The following DLC1 variants were observed in gnomAD, a reference collection of about 807,000 sequenced individuals.
DLC1 encodes DLC1 Rho GTPase activating protein.
Under a neutral mutation model 140.3 loss-of-function variants are expected in DLC1, and 54 were observed. The observed-to-expected ratio is 0.38, with a 90% CI of 0.31 to 0.48. The LOEUF is 0.48. DLC1 is among the 20% of genes least tolerant of loss of function. DLC1 has a pLI of 0.96. For synonymous variants in DLC1, 986 were observed against 728.1 expected (o/e 1.35, Z -5.70); for missense variants, 2,536 against 1,907.0 (o/e 1.33, Z -6.14).
Position 13,195,802 on chromosome 8 carries a change from G to C in DLC1, c.1349-80145C>G, listed in dbSNP as rs117130049. Among the ~76,000 whole-genome samples, 893 of 152,198 alleles carry C rather than the reference G, an allele frequency of 5.9e-3. 7 individuals are homozygous for C. The highest frequency in any genetic ancestry group is 0.024 in the Middle Eastern group (7 of 294). ...GATGGCCATGTGGCAGGAACATCGT[G>C]GTTGACCTATAGCAGCACTATCCTT... On this transcript the variant is annotated intron_variant, in intron 5 of 17. Transcript: ENST00000276297.
chr8:13,134,548 A>C (rs1244383555), intron 5 of DLC1, among the ~76,000 whole-genome samples: 1 of 152,242 alleles, frequency 6.6e-6, no homozygotes, highest in Non-Finnish European at 1.5e-5. Context: ...AAATGGGGCA[A>C]ATACAAATAG....
At chr8:13,319,819 CTCTTTTTTTT>C (rs1357611988) in intron 4 of DLC1, among the ~76,000 whole-genome samples, 2 of 76,150 alleles carry the variant, frequency 2.6e-5, no homozygotes, top group Admixed American at 2.2e-4. Context: ...TTCTCTCTCT[CTCTTTTTTTT>C]TTTTTTTTTT....
intron 4 of DLC1, among the ~76,000 whole-genome samples, chr8:13,321,147 A>G (rs373362571): frequency 2.2e-4 from 34 of 152,250 alleles, no homozygotes; most frequent in Admixed American, 2.0e-4. Context: ...AAAATCTACT[A>G]CCAGGAAAGA....
chr8:13,436,913 C>G lies in DLC1; in HGVS notation c.1024-35294G>C, dbSNP rs1431223723. On this transcript the variant is annotated intron_variant, in intron 2 of 17. Transcript: ENST00000276297. ...AATGGAATTTTTCTTCTCTCTGGGA[C>G]TCCATCAATCTTATTTTTCGTTTCT... 2.6e-5 allele frequency among the ~76,000 whole-genome samples: 4 copies of G among 152,148 alleles called. No homozygotes were observed. In the East Asian group the frequency reaches 5.8e-4, roughly 22 times the overall value.
chr8:13,190,950 A>G (rs576634913), intron 5 of DLC1, among the ~76,000 whole-genome samples: 1 of 152,110 alleles, frequency 6.6e-6, no homozygotes, highest in African/African-American at 2.4e-5. Context: ...AATCTGGAAG[A>G]GGGATTAAAT....
At chr8:13,478,651 G>A (rs141914798) in intron 2 of DLC1, among the ~76,000 whole-genome samples, 8 of 152,190 alleles carry the variant, frequency 5.3e-5, no homozygotes, top group Admixed American at 2.6e-4. Flanking sequence ...GGCTATCACC[G>A]CTAGAACTGT....
intron 5 of DLC1, among the ~76,000 whole-genome samples, chr8:13,257,623 A>T (rs751298781): frequency 1.3e-5 from 2 of 152,106 alleles, no homozygotes; most frequent in Non-Finnish European, 2.9e-5. Flanking sequence ...TGTATTCAAC[A>T]TTAAAAATTA....
chr8:13,410,734 T>G (rs1837746020), intron 2 of DLC1, among the ~76,000 whole-genome samples: 1 of 152,128 alleles, frequency 6.6e-6, no homozygotes, highest in Non-Finnish European at 1.5e-5. Context: ...AGAGGAAAGT[T>G]CCAACATACT....
At chr8:13,304,780 A>G in intron 5 of DLC1, 6 of 954,812 alleles carry the variant, frequency 6.3e-6, no homozygotes, top group Non-Finnish European at 7.5e-6. Flanking sequence ...AATTATAATT[A>G]AAGCACAGAA....
Position 13,406,181 on chromosome 8 carries a change from G to GTTTTTTTTTTTTTTT in DLC1, c.1024-4577_1024-4563dup, listed in dbSNP as rs77753653. Among the ~76,000 whole-genome samples the GTTTTTTTTTTTTTTT allele has an allele frequency of 1.1e-4, 9 of 84,958 alleles. 2 individuals carry two copies. In the South Asian group the frequency reaches 2.0e-3, roughly 19 times the overall value. 55.7% of individuals were successfully genotyped at this position (84,958 alleles called of 152,430 possible). ...GCCACCATCCCCAGCTAATTTTTGT[G>GTTTTTTTTTTTTTTT]TTTTTTTTTTTTTTTTTCAGTGGAG... On this transcript the variant is annotated intron_variant, in intron 2 of 17. Coordinates refer to ENST00000276297, the MANE Select transcript of DLC1 (RefSeq NM_182643.3).
chr8:13,309,644 C>T (rs1215363249), intron 4 of DLC1, among the ~76,000 whole-genome samples: 1 of 152,142 alleles, frequency 6.6e-6, no homozygotes, highest in Non-Finnish European at 1.5e-5. Context: ...CTGATTTTGA[C>T]ATGCCACATG....
chr8:13,132,813 C>T, intron 5 of DLC1: 3 of 1,162,994 alleles, frequency 2.6e-6, no homozygotes, highest in Non-Finnish European at 3.8e-6. Context: ...TCCGGAGACT[C>T]TGCAGAAAGC....
At position 13,099,857 on chromosome 8, in the gene DLC1, A is replaced by C; in HGVS notation, c.2480T>G (p.Phe827Cys). ...TFPKALTNGSFSPSGNNGSVN... is the reference protein window; with the variant it reads ...TFPKALTNGSCSPSGNNGSVN... ...AGAGCCGTTATTCCCCGAGGGGGAG[A>C]AACTGCCATTGGTGAGAGCTTTGGG... The change falls in exon 9 of 18, where the codon TTC (phenylalanine) becomes TGC (cysteine). Residue 827 changes from phenylalanine (F) to cysteine (C), a missense_variant. Physicochemically the swap from Phe to Cys is radical, Grantham distance 205 (BLOSUM62 -2). Coordinates refer to ENST00000276297, the MANE Select transcript of DLC1 (RefSeq NM_182643.3). 6.2e-7 allele frequency: 1 copy of C among 1,614,108 alleles called. No homozygotes were observed. The highest frequency in any genetic ancestry group is 8.5e-7 in the Non-Finnish European group (1 of 1,180,036).
In DLC1 at chr8:13,355,284, G is replaced by C. The variant is rs866173653; in HGVS notation, c.1314+38269C>G. ...GTGGCTCACTTGAGGCCAGGAGTTTGAGACCAGCCTAGCCAATATAACGAA... is the reference window on the plus strand; with the variant it reads ...GTGGCTCACTTGAGGCCAGGAGTTTCAGACCAGCCTAGCCAATATAACGAA... On this transcript the variant is annotated intron_variant, in intron 4 of 17. Coordinates refer to ENST00000276297, the MANE Select transcript of DLC1 (RefSeq NM_182643.3). Among the ~76,000 whole-genome samples, 69 of 152,246 alleles carry C rather than the reference G, an allele frequency of 4.5e-4. 1 individual carries two copies. The Middle Eastern group carries it at 0.034, about 75-fold the overall frequency.
At chr8:13,408,789 C>T (rs1281178336) in intron 2 of DLC1, among the ~76,000 whole-genome samples, 4 of 152,072 alleles carry the variant, frequency 2.6e-5, no homozygotes, top group African/African-American at 4.8e-5. Flanking sequence ...TCCTGTGACT[C>T]TTTTTTATTT....
intron 5 of DLC1, among the ~76,000 whole-genome samples, chr8:13,159,459 GGA>G (rs1186943627): frequency 6.6e-6 from 1 of 152,192 alleles, no homozygotes; most frequent in Non-Finnish European, 1.5e-5. Context: ...TTCCAAGGGT[GGA>G]GAGAGGACTT....
intron 14 of DLC1, among the ~76,000 whole-genome samples, chr8:13,090,809 CT>C (rs34506663): frequency 9.5e-4 from 133 of 140,576 alleles, no homozygotes; most frequent in Middle Eastern, 3.6e-3. Context: ...TTCTTTCTTT[CT>C]TTTTTTTTTT....
intron 4 of DLC1, among the ~76,000 whole-genome samples, chr8:13,329,339 A>T (rs1833495119): frequency 6.6e-6 from 1 of 151,780 alleles, no homozygotes; most frequent in South Asian, 2.1e-4. Context: ...GGTCCAGATC[A>T]TTGGGATGCA....
At chr8:13,443,112 C>A (rs975802832) in intron 2 of DLC1, among the ~76,000 whole-genome samples, 13 of 150,970 alleles carry the variant, frequency 8.6e-5, no homozygotes, top group African/African-American at 2.2e-4. Flanking sequence ...GGACAAAAAA[C>A]CAAACACTGC....
Sources: gnomAD v4.1 joint callset for allele counts (sites outside exome capture counted in the v4.1 genomes callset) on GRCh38, gnomAD v4.1.1 for gene constraint, MANE v1.5 for transcripts, NCBI Gene and HGNC (gene_info 2026-07-23, HGNC 2026-07-21) for gene names.